MBD5: variants seen among roughly 807,000 people sequenced by gnomAD.
MBD5 encodes the protein methyl-CpG-binding domain protein 5.
Under a neutral mutation model 117.3 loss-of-function variants are expected in MBD5, and 13 were observed. The ratio of observed to expected loss-of-function variants is 0.11; its 90% CI spans 0.07 to 0.18. The LOEUF (loss-of-function observed/expected upper bound fraction) is 0.18, where lower values mean the gene tolerates loss of function less well. Among genes scored for constraint, MBD5 ranks in the 10% least tolerant of loss-of-function variants. The pLI is 1.00. For missense variants in MBD5, 1,879 were observed against 2,093.8 expected, an observed-to-expected ratio of 0.90 and a Z score of 2.00; for synonymous variants, 727 against 766.4, an observed-to-expected ratio of 0.95 and a Z score of 0.85.
chr2:148,339,983 C>G (rs1412526648), intron 3 of MBD5, among the ~76,000 whole-genome samples: 1 of 151,812 alleles, frequency 6.6e-6, no homozygotes, highest in Non-Finnish European at 1.5e-5. Flanking sequence ...TCCCTTTTTT[C>G]TCTGTATCAG....
At chr2:148,156,639 G>A (rs775759194) in intron 1 of MBD5, among the ~76,000 whole-genome samples, 1 of 152,104 alleles carries the variant, frequency 6.6e-6, no homozygotes, top group African/African-American at 2.4e-5. Context: ...AGAGTCTGTG[G>A]ATTTTTTTAG....
intron 3 of MBD5, among the ~76,000 whole-genome samples, chr2:148,234,005 A>G (rs1212471838): frequency 6.6e-6 from 1 of 152,150 alleles, no homozygotes; most frequent in Non-Finnish European, 1.5e-5. Context: ...CTGGGCAAGG[A>G]TTGTGGACCA....
At chr2:148,323,519 C>G (rs1702349053) in intron 3 of MBD5, among the ~76,000 whole-genome samples, 1 of 152,062 alleles carries the variant, frequency 6.6e-6, no homozygotes, top group Non-Finnish European at 1.5e-5. Flanking sequence ...TGTTTCCTGA[C>G]TTTTTAATGA....
intron 1 of MBD5, among the ~76,000 whole-genome samples, chr2:148,060,093 C>G (rs1357082210): frequency 7.2e-5 from 9 of 124,226 alleles, no homozygotes; most frequent in Non-Finnish European, 1.4e-4. Context: ...TCGCGAGCAC[C>G]GTGGGCAACA....
At chr2:148,399,582 A>G (rs1228045256) in intron 4 of MBD5, among the ~76,000 whole-genome samples, 2 of 152,142 alleles carry the variant, frequency 1.3e-5, no homozygotes, top group South Asian at 2.1e-4. Flanking sequence ...CTAGATATAC[A>G]ATCATGTCAT....
intron 4 of MBD5, among the ~76,000 whole-genome samples, chr2:148,353,231 T>C (rs1321024972): frequency 3.3e-5 from 5 of 152,056 alleles, no homozygotes; most frequent in Non-Finnish European, 7.4e-5. Context: ...TTTATAGAGG[T>C]TGTATTTGGG....
chr2:148,200,641 C>T (rs1473366673), intron 2 of MBD5, among the ~76,000 whole-genome samples: 6 of 149,080 alleles, frequency 4.0e-5, no homozygotes, highest in South Asian at 2.1e-4. Context: ...TGCAGTGAGC[C>T]GATATCACGC....
chr2:148,453,388 C>T (rs960672902), intron 4 of MBD5, among the ~76,000 whole-genome samples: 2 of 152,028 alleles, frequency 1.3e-5, no homozygotes, highest in African/African-American at 2.4e-5. Context: ...GGAATTGTGG[C>T]AGGTATCTCC....
intron 4 of MBD5, among the ~76,000 whole-genome samples, chr2:148,446,033 C>G: frequency 6.6e-6 from 1 of 150,648 alleles, no homozygotes. Context: ...TGGATATTAG[C>G]CCTTTGTCAG....
At chr2:148,221,117 T>A (rs1438905353) in intron 2 of MBD5, among the ~76,000 whole-genome samples, 3 of 152,176 alleles carry the variant, frequency 2.0e-5, no homozygotes. Flanking sequence ...CTTATTCTTT[T>A]TGATGACTGA....
At chr2:148,326,130 T>A (rs193107928) in intron 3 of MBD5, among the ~76,000 whole-genome samples, 1,549 of 152,276 alleles carry the variant, frequency 0.01, 12 homozygotes, top group African/African-American at 0.034. Context: ...TTCAGTTTCC[T>A]TGTAGGTGAG....
intron 4 of MBD5, among the ~76,000 whole-genome samples, chr2:148,356,375 G>A (rs538032482): frequency 6.2e-4 from 94 of 151,846 alleles, no homozygotes; most frequent in Middle Eastern, 3.4e-3. Flanking sequence ...CATAGCTCAC[G>A]TTGTTAATAC....
At chr2:148,195,154 A>G (rs1175420574) in intron 2 of MBD5, among the ~76,000 whole-genome samples, 4 of 152,154 alleles carry the variant, frequency 2.6e-5, no homozygotes, top group Non-Finnish European at 2.9e-5. Flanking sequence ...GACTCCTGCT[A>G]TACTAAATAG....
intron 1 of MBD5, chr2:148,027,931 T>C (rs1450107631): frequency 1.3e-5 from 2 of 152,094 alleles, no homozygotes; most frequent in Non-Finnish European, 2.9e-5. Flanking sequence ...AACCCAAAGA[T>C]AATTCAGTTA....
At chr2:148,482,425 TAAAA>T (rs1017093254) in intron 8 of MBD5, among the ~76,000 whole-genome samples, 6 of 151,848 alleles carry the variant, frequency 4.0e-5, no homozygotes, top group African/African-American at 1.5e-4. Context: ...TATTGATAAA[TAAAA>T]AAGCTACAAA....
chr2:148,028,284 A>G (rs1193026868), intron 1 of MBD5: 2 of 152,076 alleles, frequency 1.3e-5, no homozygotes, highest in Non-Finnish European at 2.9e-5. Context: ...AAGTTTTTGT[A>G]CACATATGCT....
intron 1 of MBD5, among the ~76,000 whole-genome samples, chr2:148,153,168 G>A (rs1188700406): frequency 7.9e-5 from 12 of 151,130 alleles, no homozygotes; most frequent in Admixed American, 2.6e-4. Context: ...TTGCTTGTCT[G>A]TAAAGTATTT....
chr2:148,340,843 C>T (rs1004240491), intron 3 of MBD5, among the ~76,000 whole-genome samples: 1 of 143,038 alleles, frequency 7.0e-6, no homozygotes, highest in Admixed American at 7.2e-5. Context: ...CACATACACA[C>T]ACACACACAC....
chr2:148,373,760 T>G (rs1703917600), intron 4 of MBD5, among the ~76,000 whole-genome samples: 1 of 152,168 alleles, frequency 6.6e-6, no homozygotes, highest in Non-Finnish European at 1.5e-5. Context: ...AGTGATCAGG[T>G]GACTACAATT....
Sources: allele counts gnomAD v4.1 joint callset (sites outside exome capture counted in the v4.1 genomes callset), GRCh38; gene constraint gnomAD v4.1.1; transcripts MANE v1.5; gene names NCBI Gene and HGNC (gene_info 2026-07-23, HGNC 2026-07-21).